The following ABCB5 variants were observed in gnomAD, a reference collection of about 807,000 sequenced individuals.
ABCB5 encodes the protein ATP binding cassette subfamily B member 5, also known as ATP-binding cassette sub-family B member 5.
A neutral mutation model predicts 144.2 loss-of-function variants in ABCB5; 155 were observed. The ratio of observed to expected loss-of-function variants is 1.08; its 90% CI spans 0.94 to 1.23. The LOEUF is 1.23. ABCB5 is among the 50% of genes most tolerant of loss of function. ABCB5 has a pLI of 0.00. For missense variants in ABCB5, 1,830 were observed against 1,520.8 expected (o/e 1.20, Z -3.38); for synonymous variants, 610 against 528.6 (o/e 1.15, Z -2.11).
intron 16 of ABCB5, among the ~76,000 whole-genome samples, chr7:20,697,798 A>G (rs997116017): frequency 2.6e-5 from 4 of 152,232 alleles, no homozygotes; most frequent in Admixed American, 2.6e-4. Flanking sequence ...TGTATAAACA[A>G]TCCTACAAGA....
rs1023727338 is a variant in ABCB5 at position 20,700,140 on chromosome 7, G to A, written c.2337+5G>A. ...TTCAAAGCCATGTTATATCAGGTCA[G>A]TGATAAGTTGATTTTTTTTTTATTT... On this transcript the variant is annotated splice_donor_5th_base_variant and intron_variant, in intron 19 of 27. Coordinates refer to ENST00000404938, the MANE Select transcript of ABCB5 (RefSeq NM_001163941.2). The A allele has an allele frequency of 6.4e-6, 10 of 1,557,478 alleles. No homozygotes were observed. Among genetic ancestry groups the A allele is most frequent in the Non-Finnish European group, 8.6e-6 (10 of 1,160,044 alleles).
intron 9 of ABCB5, among the ~76,000 whole-genome samples, chr7:20,646,437 A>G (rs1286130156): frequency 6.6e-6 from 1 of 152,210 alleles, no homozygotes; most frequent in African/African-American, 2.4e-5. Flanking sequence ...GCAGTGAAAA[A>G]GGCCATTCTC....
chr7:20,639,401 G>A (rs1281321731), intron 5 of ABCB5, among the ~76,000 whole-genome samples: 1 of 152,078 alleles, frequency 6.6e-6, no homozygotes, highest in African/African-American at 2.4e-5. Context: ...GCACTTTTGG[G>A]TGTGGGAATT....
At chr7:20,699,726 G>A in intron 17 of ABCB5, 99 bp from the exon 18 acceptor site, 5 of 718,122 alleles carry the variant, frequency 7.0e-6, no homozygotes, top group Middle Eastern at 4.1e-4. Context: ...AAAAAAAAAA[G>A]AAATGTATTT....
chr7:20,727,413 T>G (rs1239061206), intron 22 of ABCB5, among the ~76,000 whole-genome samples: 1 of 152,210 alleles, frequency 6.6e-6, no homozygotes, highest in African/African-American at 2.4e-5. Context: ...TGAAAGAATA[T>G]TAATGAAATA....
chr7:20,626,822 A>G (rs1450710840), intron 3 of ABCB5, among the ~76,000 whole-genome samples: 1 of 151,694 alleles, frequency 6.6e-6, no homozygotes, highest in Non-Finnish European at 1.5e-5. Flanking sequence ...TAACATCCAC[A>G]TAATGACTCA....
intron 14 of ABCB5, among the ~76,000 whole-genome samples, chr7:20,664,363 T>C (rs980563328): frequency 6.6e-6 from 1 of 152,222 alleles, no homozygotes; most frequent in Non-Finnish European, 1.5e-5. Flanking sequence ...TTTTATACTA[T>C]TGTATAAATA....
chr7:20,693,828 A>T (rs556025259), intron 16 of ABCB5, among the ~76,000 whole-genome samples: 2 of 151,510 alleles, frequency 1.3e-5, no homozygotes, highest in Non-Finnish European at 2.9e-5. Context: ...ATCACTACAG[A>T]TTCTACATAT....
chr7:20,677,998 C>A (rs1027635704), intron 14 of ABCB5, among the ~76,000 whole-genome samples: 1 of 152,140 alleles, frequency 6.6e-6, no homozygotes, highest in Non-Finnish European at 1.5e-5. Flanking sequence ...AAGAGTCATG[C>A]CCTTCTAAAT....
intron 20 of ABCB5, among the ~76,000 whole-genome samples, chr7:20,705,761 C>G (rs1410740687): frequency 6.7e-6 from 1 of 150,162 alleles, no homozygotes; most frequent in Admixed American, 6.6e-5. Context: ...TTGTATGTTT[C>G]TTTTAGAGAT....
chr7:20,724,204 T>TTATG (rs1443499589), intron 21 of ABCB5, among the ~76,000 whole-genome samples: 1 of 151,410 alleles, frequency 6.6e-6, no homozygotes, highest in African/African-American at 2.4e-5. Flanking sequence ...CTTGTCTTAT[T>TTATG]TATTTATTTA....
At chr7:20,738,770 A>G (rs1287727999) in intron 23 of ABCB5, among the ~76,000 whole-genome samples, 1 of 152,104 alleles carries the variant, frequency 6.6e-6, no homozygotes, top group African/African-American at 2.4e-5. Flanking sequence ...AGATTACCCA[A>G]GCTCCAAAGT....
Position 20,632,205 on chromosome 7 carries a change from A to G in ABCB5, c.314+92A>G, listed in dbSNP as rs760045422. On this transcript the variant is annotated intron_variant, in intron 5 of 27. Coordinates refer to ENST00000404938, the MANE Select transcript of ABCB5 (RefSeq NM_001163941.2). ...AAAGCAACTGAAATTTTGTATGACC[A>G]TTAATATTACATAACAAATGATTAA... The G allele has an allele frequency of 1.9e-5, 15 of 771,492 alleles. No homozygotes were observed. In the East Asian group the frequency reaches 3.6e-4, roughly 19 times the overall value. The allele number at this position is 771,492 out of a possible 1,614,324, so 47.8% of individuals were successfully genotyped here. A position where few individuals can be genotyped will look rare whatever the true frequency, so the allele number is the denominator to read the frequency against.
At chr7:20,748,433 TA>T (rs67971133) in intron 26 of ABCB5, among the ~76,000 whole-genome samples, 53,481 of 151,738 alleles carry the variant, frequency 0.35, 9,598 homozygotes, top group African/African-American at 0.4. Flanking sequence ...GTGGATTACC[TA>T]TGGTCAGGAG....
At chr7:20,699,221 G>T (rs1171250983) in intron 17 of ABCB5, among the ~76,000 whole-genome samples, 1 of 152,092 alleles carries the variant, frequency 6.6e-6, no homozygotes, top group Non-Finnish European at 1.5e-5. Flanking sequence ...CAAGCAAACT[G>T]GTGGTTTCTT....
rs73278680 is a variant in ABCB5, at chr7:20,659,128, C to G, written c.1707+452C>G. On this transcript the variant is annotated intron_variant, in intron 14 of 27. Coordinates refer to ENST00000404938, the MANE Select transcript of ABCB5 (RefSeq NM_001163941.2). ...CAAGTGGAGAATCGCTGACCTTGAACCAGCGCCCTTCGACAGCTCTGGCCC... is the reference window on the plus strand; with the variant it reads ...CAAGTGGAGAATCGCTGACCTTGAAGCAGCGCCCTTCGACAGCTCTGGCCC... The G allele has an allele frequency of 2.8e-3, 4,540 of 1,613,940 alleles. 95 individuals carry two copies. In the African/African-American group the frequency reaches 0.05, roughly 18 times the overall value.
chr7:20,654,589 C>T (rs1344042811), intron 13 of ABCB5, among the ~76,000 whole-genome samples: 2 of 152,152 alleles, frequency 1.3e-5, no homozygotes, highest in Non-Finnish European at 2.9e-5. Flanking sequence ...AAACAATATT[C>T]TGGGCCATCA....
chr7:20,644,327 C>T (rs1487501604), intron 7 of ABCB5, among the ~76,000 whole-genome samples: 1 of 152,142 alleles, frequency 6.6e-6, no homozygotes, highest in Non-Finnish European at 1.5e-5. Context: ...TATCCGCCCA[C>T]CTCGGCCCCA....
At position 20,700,043 on chromosome 7, in the gene ABCB5, T is replaced by G; in HGVS notation, c.2260-15T>G. ...AAAGGAAAAGAACGTAGATTTTTGT[T>G]TGTTTGCTTTTCAGGGATTATTTTA... On this transcript the variant is annotated splice_polypyrimidine_tract_variant and intron_variant, in intron 18 of 27. Transcript: ENST00000404938. The G allele has an allele frequency of 1.9e-6, 3 of 1,612,166 alleles. No individual in the cohort carries two copies. The highest frequency in any genetic ancestry group is 2.5e-6 in the Non-Finnish European group (3 of 1,178,974).
Sources: gnomAD v4.1 joint callset for allele counts (sites outside exome capture counted in the v4.1 genomes callset) on GRCh38, gnomAD v4.1.1 for gene constraint, MANE v1.5 for transcripts, NCBI Gene and HGNC (gene_info 2026-07-23, HGNC 2026-07-21) for gene names.